Variants in CEACAM3 observed in about 807,000 individuals in gnomAD.
The protein encoded by CEACAM3 is cell adhesion molecule CEACAM3.
A neutral mutation model predicts 30.1 loss-of-function variants in CEACAM3; 32 were observed. The observed-to-expected ratio is 1.06, with a 90% CI of 0.80 to 1.43. CEACAM3 has a LOEUF of 1.43. Among genes scored for constraint, CEACAM3 ranks in the 40% most tolerant of loss-of-function variants. CEACAM3 has a pLI of 0.00. For synonymous variants in CEACAM3, 134 were observed against 127.2 expected, an observed-to-expected ratio of 1.05 and a Z score of -0.36; for missense variants, 290 against 316.3, an observed-to-expected ratio of 0.92 and a Z score of 0.63.
chr19:41,807,436 C>G (rs998466660), intron 2 of CEACAM3: 1 of 1,236,274 alleles, frequency 8.1e-7, no homozygotes, highest in Non-Finnish European at 1.0e-6. Flanking sequence ...CAAATCCACA[C>G]AGCCAGAGGC....
At chr19:41,806,212 G>A (rs2073198474) in intron 2 of CEACAM3, among the ~76,000 whole-genome samples, 1 of 152,084 alleles carries the variant, frequency 6.6e-6, no homozygotes, top group South Asian at 2.1e-4. Context: ...ATTTTTAGTA[G>A]AGACTGGGTT....
chr19:41,806,509 C>A (rs182712115), intron 2 of CEACAM3, among the ~76,000 whole-genome samples: 1,841 of 152,300 alleles, frequency 0.012, 34 homozygotes, highest in African/African-American at 0.038. Context: ...GGGGATGTGA[C>A]TCCTGGTCCT....
chr19:41,808,962 C>A (rs782122281), intron 3 of CEACAM3, 32 bp downstream of exon 3: 3 of 1,461,688 alleles, frequency 2.1e-6, no homozygotes, highest in South Asian at 1.3e-5. Context: ...CTTCTCCCAC[C>A]CCCTAGGCTG....
At chr19:41,807,325 T>A in intron 2 of CEACAM3, 1 of 1,607,832 alleles carries the variant, frequency 6.2e-7, no homozygotes, top group African/African-American at 1.3e-5. Flanking sequence ...CAGGACCCTA[T>A]GAGTGTGAAA....
exon 7 of CEACAM3, chr19:41,811,553 CATT>C (rs1555827695): frequency 3.2e-6 from 1 of 313,020 alleles, no homozygotes; most frequent in Non-Finnish European, 6.1e-6. Flanking sequence ...CCCTTCCTCT[CATT>C]AGCTGTTTTT....
chr19:41,808,331 G>A (rs2123019558), intron 2 of CEACAM3, among the ~76,000 whole-genome samples: 1 of 152,320 alleles, frequency 6.6e-6, no homozygotes, highest in South Asian at 2.1e-4. Context: ...CTGCAGCTGG[G>A]GGTGATGCCC....
In CEACAM3 at chr19:41,808,412, G is replaced by A. The variant is rs535693086; in HGVS notation, c.425-401G>A. 2.0e-5 allele frequency among the ~76,000 whole-genome samples: 3 copies of A among 152,334 alleles called. No individual in the cohort carries two copies. The East Asian group carries it at 5.8e-4, about 29-fold the overall frequency. ...TTGGTGCCCACTGGAACTGGCACAT[G>A]GAAGGCCCCTGAAAACAGTCAATGA... On this transcript the variant is annotated intron_variant, in intron 2 of 6. Transcript: ENST00000357396.
intron 2 of CEACAM3, among the ~76,000 whole-genome samples, chr19:41,802,844 C>T (rs1600517518): frequency 6.6e-6 from 1 of 152,172 alleles, no homozygotes; most frequent in Non-Finnish European, 1.5e-5. Flanking sequence ...AAATGTCCAA[C>T]TCCAGCCCCC....
intron 2 of CEACAM3, among the ~76,000 whole-genome samples, chr19:41,805,859 CCACGGAG>C (rs2073194016): frequency 6.6e-6 from 1 of 152,208 alleles, no homozygotes; most frequent in African/African-American, 2.4e-5. Flanking sequence ...TTATTAAGTT[CCACGGAG>C]TCCTCACCTG....
At chr19:41,808,484 C>T (rs1555827102) in intron 2 of CEACAM3, among the ~76,000 whole-genome samples, 1 of 152,152 alleles carries the variant, frequency 6.6e-6, no homozygotes, top group African/African-American at 2.4e-5. Flanking sequence ...AGGGCCTGCC[C>T]TTTGTGAGTG....
In CEACAM3 at chr19:41,810,781, G is replaced by A. The variant is rs142361463; in HGVS notation, c.628-51G>A. The A allele has an allele frequency of 4.0e-4, 595 of 1,475,358 alleles. 5 individuals are homozygous for A. In the African/African-American group the frequency reaches 7.1e-3, roughly 18 times the overall value. The allele number at this position is 1,475,358 out of a possible 1,614,324, so 91.4% of individuals were successfully genotyped here. A position where few individuals can be genotyped will look rare whatever the true frequency, so the allele number is the denominator to read the frequency against. ...GAGAAGTAAATCCTGGCCAATCAGA[G>A]ACAGGAAACTTCCAGGCTGGGCCTC... is the stretch of plus-strand genomic sequence containing the variant. On this transcript the variant is annotated intron_variant, in intron 5 of 6. Transcript: ENST00000357396.
chr19:41,806,557 A>T (rs529721478), intron 2 of CEACAM3, among the ~76,000 whole-genome samples: 15 of 152,292 alleles, frequency 9.8e-5, no homozygotes, highest in African/African-American at 3.1e-4. Context: ...CTTAATTCAC[A>T]GTTGAGAAAG....
Position 41,797,851 on chromosome 19 carries a change from C to T in CEACAM3, c.327C>T (p.Ile109=). Residue 109 remains isoleucine, a synonymous_variant, in exon 2 of 7, where the codon ATC becomes ATT. Transcript: ENST00000357396. ...ETIYTNASLL[I]QNVTQNDIGF... ...TATACACCAATGCATCCCTGCTGATCCAGAATGTCACCCAGAATGACATAG... is the reference window on the plus strand; with the variant it reads ...TATACACCAATGCATCCCTGCTGATTCAGAATGTCACCCAGAATGACATAG... The T allele has an allele frequency of 6.2e-7, 1 of 1,613,546 alleles. No homozygotes were observed. Among genetic ancestry groups the T allele is most frequent in the Non-Finnish European group, 8.5e-7 (1 of 1,180,008 alleles).
intron 2 of CEACAM3, chr19:41,807,252 C>T: frequency 1.2e-6 from 2 of 1,609,042 alleles, no homozygotes; most frequent in Non-Finnish European, 1.7e-6. Flanking sequence ...CCGGTCAGTT[C>T]CAGGCTGCAG....
chr19:41,811,392 T>C lies in CEACAM3; in HGVS notation c.*155T>C. ...GGCAGGGAGGGATGGGGGTCCCTGATGAATATCTGGAGACCTCGACAGCCT... is the reference window on the plus strand; with the variant it reads ...GGCAGGGAGGGATGGGGGTCCCTGACGAATATCTGGAGACCTCGACAGCCT... On this transcript the variant is annotated 3_prime_UTR_variant, in exon 7 of 7. Transcript: ENST00000357396. 1.5e-6 allele frequency: 1 copy of C among 666,712 alleles called. No individual in the cohort carries two copies. 41.3% of individuals were successfully genotyped at this position (666,712 alleles called of 1,614,324 possible). A position where few individuals can be genotyped will look rare whatever the true frequency, so the allele number is the denominator to read the frequency against.
intron 2 of CEACAM3, among the ~76,000 whole-genome samples, chr19:41,806,152 C>T (rs538107118): frequency 3.3e-5 from 5 of 152,090 alleles, no homozygotes; most frequent in African/African-American, 9.6e-5. Flanking sequence ...CTCAGCCTCC[C>T]GAGTAGCTGG....
At chr19:41,805,739 C>T (rs1417088676) in intron 2 of CEACAM3, among the ~76,000 whole-genome samples, 2 of 152,238 alleles carry the variant, frequency 1.3e-5, no homozygotes, top group African/African-American at 4.8e-5. Context: ...TCCCAAATGT[C>T]TCTCTCATAT....
At chr19:41,799,106 A>C (rs2073126875) in intron 2 of CEACAM3, among the ~76,000 whole-genome samples, 1 of 152,216 alleles carries the variant, frequency 6.6e-6, no homozygotes. Flanking sequence ...ATGGAAAATT[A>C]ATCAATTTTT....
chr19:41,803,704 G>GTAGTGGGTAA (rs2073174578), intron 2 of CEACAM3, among the ~76,000 whole-genome samples: 1 of 45,560 alleles, frequency 2.2e-5, no homozygotes, highest in Non-Finnish European at 1.0e-4. Flanking sequence ...CCAACCTCAT[G>GTAGTGGGTAA]ATCTGCCCGC....
Sources: gnomAD v4.1 joint callset for allele counts (sites outside exome capture counted in the v4.1 genomes callset) on GRCh38, gnomAD v4.1.1 for gene constraint, MANE v1.5 for transcripts, NCBI Gene and HGNC (gene_info 2026-07-23, HGNC 2026-07-21) for gene names.